NPLOC4: variants seen among roughly 807,000 people sequenced by gnomAD.
The protein encoded by NPLOC4 is NPL4 homolog, ubiquitin recognition factor.
Under a neutral mutation model 80.6 loss-of-function variants are expected in NPLOC4, and 18 were observed. That is an observed-to-expected ratio of 0.22 (90% CI 0.15 to 0.33). The LOEUF is 0.33. Ranked by LOEUF, NPLOC4 falls within the 10% of genes least tolerant of loss-of-function variation. The pLI is 1.00. For synonymous variants in NPLOC4, 313 were observed against 301.5 expected, an observed-to-expected ratio of 1.04 and a Z score of -0.39; for missense variants, 540 against 786.1, an observed-to-expected ratio of 0.69 and a Z score of 3.74.
intron 8 of NPLOC4, 84 bp downstream of exon 8, chr17:81,604,464 G>A (rs1260015968): frequency 1.4e-5 from 18 of 1,275,616 alleles, no homozygotes; most frequent in East Asian, 7.5e-5. Flanking sequence ...ACAACAAAGC[G>A]AACAGGGCAA....
chr17:81,565,598 T>C lies in NPLOC4; in HGVS notation c.1576A>G (p.Ser526Gly). The change falls in exon 16 of 17, where the codon AGC becomes GGC. Residue 526 changes from serine (S) to glycine (G), a missense_variant. By Grantham distance (56) the Ser-to-Gly change is moderately conservative. Transcript: ENST00000331134. ...NEVMPLQDSI[S>G]LLLEAVRTRN... ...GTCCGCACGGCCTCCAGCAGCAAGCTGATGCTGTCCTACAAGAAGCCAAAA... is the reference window on the plus strand; with the variant it reads ...GTCCGCACGGCCTCCAGCAGCAAGCCGATGCTGTCCTACAAGAAGCCAAAA... 2 of 1,549,736 alleles carry C rather than the reference T, an allele frequency of 1.3e-6. No individual in the cohort carries two copies. The highest frequency in any genetic ancestry group is 2.7e-5 in the African/African-American group (2 of 73,166).
At chr17:81,576,273 A>T (rs1025464113) in intron 12 of NPLOC4, among the ~76,000 whole-genome samples, 1 of 152,218 alleles carries the variant, frequency 6.6e-6, no homozygotes, top group Non-Finnish European at 1.5e-5. Context: ...ATGTAGGTAG[A>T]TGCATAGTTC....
rs772171132 is a variant in NPLOC4, at chr17:81,608,757, G to A, written c.501C>T (p.Tyr167=). 5.6e-6 allele frequency: 9 copies of A among 1,593,192 alleles called. No individual in the cohort carries two copies. Among genetic ancestry groups the A allele is most frequent in the East Asian group, 2.3e-5 (1 of 44,114 alleles). The change falls in exon 6 of 17, where the codon TAC becomes TAT. Residue 167 remains tyrosine (Y), a synonymous_variant. Coordinates refer to ENST00000331134, the MANE Select transcript of NPLOC4 (RefSeq NM_017921.4). Reference sequence around the variant, plus strand: ...CAGCCCCTCCAGTCAGCTTCCGGATGTAGGCGTGGAAGGACATGTGCTTCA... The same window carrying A: ...CAGCCCCTCCAGTCAGCTTCCGGATATAGGCGTGGAAGGACATGTGCTTCA... The part of the protein sequence containing the change: ...PPVKHMSFHA[Y]IRKLTGGADK...
intron 13 of NPLOC4, 95 bp downstream of exon 13, chr17:81,571,922 G>T: frequency 2.4e-6 from 2 of 836,222 alleles, no homozygotes; most frequent in Non-Finnish European, 1.8e-6. Context: ...GCCTTAAATT[G>T]CAGCCTCCTC....
At chr17:81,602,177 G>T (rs1338056676) in intron 8 of NPLOC4, among the ~76,000 whole-genome samples, 2 of 152,144 alleles carry the variant, frequency 1.3e-5, no homozygotes, top group Middle Eastern at 3.2e-3. Context: ...CTACTTGGGA[G>T]AAAGAGGTAA....
At chr17:81,621,455 C>T (rs1021984693) in intron 3 of NPLOC4, among the ~76,000 whole-genome samples, 1 of 152,204 alleles carries the variant, frequency 6.6e-6, no homozygotes, top group African/African-American at 2.4e-5. Context: ...GGCCACAGCA[C>T]ATGCAACCTG....
intron 3 of NPLOC4, among the ~76,000 whole-genome samples, chr17:81,615,558 C>T (rs2035458792): frequency 6.6e-6 from 1 of 152,116 alleles, no homozygotes; most frequent in Admixed American, 6.6e-5. Context: ...GGGGACAAAC[C>T]CAGCAGTGCA....
intron 15 of NPLOC4, 72 bp from the exon 16 acceptor site, chr17:81,565,679 C>T (rs1472668862): frequency 1.7e-6 from 2 of 1,153,208 alleles, no homozygotes; most frequent in African/African-American, 3.1e-5. Context: ...GAACAGGTTT[C>T]TTTCTCCCCA....
At chr17:81,604,769 A>G in intron 7 of NPLOC4, 42 bp from the exon 8 acceptor site, 1 of 1,520,884 alleles carries the variant, frequency 6.6e-7, no homozygotes, top group Non-Finnish European at 9.0e-7. Flanking sequence ...ACATGCCATC[A>G]AAAAGAAATC....
chr17:81,618,599 G>A (rs2035575643), intron 3 of NPLOC4, among the ~76,000 whole-genome samples: 1 of 135,092 alleles, frequency 7.4e-6, no homozygotes, highest in South Asian at 2.5e-4. Flanking sequence ...GTCAGCCCCC[G>A]CCCAGCCAGC....
At chr17:81,630,940 A>T (rs1048752151) in intron 1 of NPLOC4, among the ~76,000 whole-genome samples, 1 of 152,144 alleles carries the variant, frequency 6.6e-6, no homozygotes, top group African/African-American at 2.4e-5. Context: ...TGGGAGGCCA[A>T]TGCGGGCAGA....
intron 8 of NPLOC4, among the ~76,000 whole-genome samples, chr17:81,602,739 G>T (rs565036403): frequency 2.0e-5 from 3 of 150,528 alleles, no homozygotes; most frequent in Admixed American, 6.7e-5. Context: ...ACTTCAGGAA[G>T]TCCAACTAAA....
In NPLOC4 at chr17:81,559,008, G is replaced by A. The variant is rs948365768; in HGVS notation, c.*251C>T. 9.0e-5 allele frequency: 44 copies of A among 491,358 alleles called. No individual in the cohort carries two copies. The highest frequency in any genetic ancestry group is 1.4e-4 in the Non-Finnish European group (39 of 274,870). 30.4% of individuals were successfully genotyped at this position (491,358 alleles called of 1,614,324 possible). A position where few individuals can be genotyped will look rare whatever the true frequency, so the allele number is the denominator to read the frequency against. On this transcript the variant is annotated 3_prime_UTR_variant, in exon 17 of 17. Coordinates refer to ENST00000331134, the MANE Select transcript of NPLOC4 (RefSeq NM_017921.4). ...GGCGGGGGACTTGTCAACAGGATTAGGCGTGAGGAGCCGCTCTGCGTTTCC... is the reference window on the plus strand; with the variant it reads ...GGCGGGGGACTTGTCAACAGGATTAAGCGTGAGGAGCCGCTCTGCGTTTCC...
chr17:81,617,531 C>T (rs1322012540), intron 3 of NPLOC4, among the ~76,000 whole-genome samples: 5 of 152,116 alleles, frequency 3.3e-5, no homozygotes, highest in Non-Finnish European at 7.4e-5. Context: ...AAAATTAGGC[C>T]GGGCACAGTG....
At chr17:81,583,735 C>A (rs567740242) in intron 12 of NPLOC4, among the ~76,000 whole-genome samples, 1 of 152,348 alleles carries the variant, frequency 6.6e-6, no homozygotes, top group South Asian at 2.1e-4. Flanking sequence ...CGTTCTCTTA[C>A]TGGCTGCATA....
At chr17:81,625,845 C>T (rs1233523326) in intron 2 of NPLOC4, among the ~76,000 whole-genome samples, 2 of 152,048 alleles carry the variant, frequency 1.3e-5, no homozygotes, top group South Asian at 2.1e-4. Context: ...GGATCAAATG[C>T]TCCTCACTAG....
At position 81,569,063 on chromosome 17, in the gene NPLOC4, G is replaced by C; in HGVS notation, c.1402C>G (p.Gln468Glu). 6.2e-7 allele frequency: 1 copy of C among 1,613,304 alleles called. No homozygotes were observed. The highest frequency in any genetic ancestry group is 8.5e-7 in the Non-Finnish European group (1 of 1,179,248). Reference sequence around the variant, plus strand: ...CGGTTTTCAATAGGAAATGGATTTTGCGAAATAGAAAAAGTGTAAACTGGA... The same window carrying C: ...CGGTTTTCAATAGGAAATGGATTTTCCGAAATAGAAAAAGTGTAAACTGGA... Reference protein sequence around the residue: ...KDPVYTFSISQNPFPIENRDV... With the variant: ...KDPVYTFSISENPFPIENRDV... Residue 468 changes from glutamine (Q) to glutamate (E), a missense_variant, in exon 14 of 17, where the codon CAA (glutamine) becomes GAA (glutamate). Transcript: ENST00000331134.
intron 3 of NPLOC4, among the ~76,000 whole-genome samples, chr17:81,619,572 A>G (rs34749567): frequency 8.0e-5 from 12 of 150,542 alleles, no homozygotes; most frequent in Non-Finnish European, 1.8e-4. Context: ...AAAAAAAGAA[A>G]GAAAAGAAAA....
intron 16 of NPLOC4, chr17:81,564,389 G>A (rs1298178819): frequency 6.5e-6 from 1 of 153,490 alleles, no homozygotes; most frequent in Non-Finnish European, 1.5e-5. Flanking sequence ...TGAGCCTGGA[G>A]TTTGAGGCTG....
Sources: gnomAD v4.1 joint callset for allele counts (sites outside exome capture counted in the v4.1 genomes callset) on GRCh38, gnomAD v4.1.1 for gene constraint, MANE v1.5 for transcripts, NCBI Gene and HGNC (gene_info 2026-07-23, HGNC 2026-07-21) for gene names.